MRTFB: variants seen among roughly 807,000 people sequenced by gnomAD.
MRTFB encodes myocardin related transcription factor B.
Under a neutral mutation model 104.2 loss-of-function variants are expected in MRTFB, and 29 were observed. The ratio of observed to expected loss-of-function variants is 0.28; its 90% confidence interval spans 0.21 to 0.38. The LOEUF is 0.38. MRTFB is among the 10% of genes least tolerant of loss of function. The probability of loss-of-function intolerance (pLI) is 1.00; values close to 1 mark genes in which losing one functional copy is unlikely to be tolerated. For synonymous variants in MRTFB, 535 were observed against 519.5 expected (o/e 1.03, Z -0.41); for missense variants, 1,270 against 1,341.6 (o/e 0.95, Z 0.83).
At chr16:14,245,886 AG>A (rs1348105488) in intron 11 of MRTFB, among the ~76,000 whole-genome samples, 89 of 152,318 alleles carry the variant, frequency 5.8e-4, no homozygotes, top group African/African-American at 2.1e-3. Flanking sequence ...GGCACCTACC[AG>A]TTCTGCTGGA....
the MRTFB span, among the ~76,000 whole-genome samples, chr16:14,032,852 T>C: frequency 2.0e-5 from 3 of 152,048 alleles, no homozygotes; most frequent in Non-Finnish European, 4.4e-5. Context: ...GACATGATCT[T>C]GCTCTGTCAC....
At chr16:14,101,054 A>G (rs2035670906) in intron 2 of MRTFB, among the ~76,000 whole-genome samples, 1 of 132,132 alleles carries the variant, frequency 7.6e-6, no homozygotes, top group Non-Finnish European at 1.7e-5. Context: ...TGTTTCATTG[A>G]TTTTTCTGCT....
chr16:14,233,115 G>A (rs181059461), intron 8 of MRTFB, among the ~76,000 whole-genome samples: 59 of 152,250 alleles, frequency 3.9e-4, no homozygotes, highest in Non-Finnish European at 6.3e-4. Flanking sequence ...ACCTAGTAAC[G>A]CCTTCTGTAG....
chr16:14,200,872 A>G (rs1305657612), intron 3 of MRTFB: 6 of 1,457,140 alleles, frequency 4.1e-6, no homozygotes, highest in Middle Eastern at 3.5e-4. Context: ...TGGTTACCTC[A>G]GGTGTAAGGT....
chr16:14,023,019 G>C, the MRTFB span, among the ~76,000 whole-genome samples: 2 of 151,974 alleles, frequency 1.3e-5, no homozygotes, highest in East Asian at 3.9e-4. Context: ...ATACCACATG[G>C]TGCTATCTCT....
At chr16:14,164,301 TGTGA>T (rs1456115540) in intron 3 of MRTFB, among the ~76,000 whole-genome samples, 1 of 152,216 alleles carries the variant, frequency 6.6e-6, no homozygotes, top group Non-Finnish European at 1.5e-5. Context: ...TACCTTCATG[TGTGA>T]GTGAGAACGT....
intron 8 of MRTFB, among the ~76,000 whole-genome samples, chr16:14,233,227 T>C (rs1242024519): frequency 6.6e-6 from 1 of 152,194 alleles, no homozygotes; most frequent in Admixed American, 6.5e-5. Flanking sequence ...GGAGAGATAA[T>C]GTTGTCGGTA....
chr16:14,035,918 G>A, the MRTFB span, among the ~76,000 whole-genome samples: 6 of 151,282 alleles, frequency 4.0e-5, no homozygotes, highest in South Asian at 2.1e-4. Flanking sequence ...CCACTGTGTC[G>A]TTCTTATGCC....
Position 14,227,091 on chromosome 16 carries a change from G to T in MRTFB, c.694-7055G>T, listed in dbSNP as rs145121324. On this transcript the variant is annotated intron_variant, in intron 8 of 16. Coordinates refer to ENST00000571589, the MANE Select transcript of MRTFB (RefSeq NM_001308142.2). ...TATTTGCAAATCATATATCTTATAA[G>T]GATTTGCTATGGTTTGGATGTTTGT... Among the ~76,000 whole-genome samples, 592 of 152,200 alleles carry T rather than the reference G, an allele frequency of 3.9e-3. 2 individuals carry two copies. Among genetic ancestry groups the T allele is most frequent in the African/African-American group, 0.014 (567 of 41,522 alleles).
chr16:13,996,943 C>T, the MRTFB span, among the ~76,000 whole-genome samples: 1 of 152,176 alleles, frequency 6.6e-6, no homozygotes, highest in African/African-American at 2.4e-5. Flanking sequence ...AGAGTTCGGC[C>T]CACAAATGAG....
chr16:14,244,269 A>G (rs13332052), intron 10 of MRTFB, among the ~76,000 whole-genome samples: 21,598 of 152,166 alleles, frequency 0.14, 3,641 homozygotes, highest in African/African-American at 0.41. Flanking sequence ...TGACTATAAC[A>G]TAATTTAGCC....
intron 15 of MRTFB, among the ~76,000 whole-genome samples, chr16:14,255,777 A>G (rs1047456082): frequency 2.0e-5 from 3 of 152,038 alleles, no homozygotes; most frequent in Admixed American, 6.6e-5. Flanking sequence ...TTGCATATCT[A>G]TAGTAACAAT....
the MRTFB span, among the ~76,000 whole-genome samples, chr16:13,997,550 T>G: frequency 6.6e-6 from 1 of 152,008 alleles, no homozygotes; most frequent in Non-Finnish European, 1.5e-5. Flanking sequence ...ATCTTAACAC[T>G]TTGGGAGGCT....
the MRTFB span, among the ~76,000 whole-genome samples, chr16:14,037,989 G>A: frequency 2.3e-4 from 34 of 151,054 alleles, no homozygotes; most frequent in Non-Finnish European, 8.8e-5. Flanking sequence ...CAAGTATGTT[G>A]GGTATGTTAT....
At chr16:14,058,446 G>A in the MRTFB span, among the ~76,000 whole-genome samples, 1 of 128,104 alleles carries the variant, frequency 7.8e-6, no homozygotes, top group Non-Finnish European at 1.8e-5. Context: ...GCCGGGCAAT[G>A]TACCCAAGTT....
At chr16:14,069,236 G>A (rs990504061), upstream of MRTFB, among the ~76,000 whole-genome samples, 3 of 152,134 alleles carry the variant, frequency 2.0e-5, no homozygotes, top group African/African-American at 7.2e-5. Context: ...CTCCCAAAGT[G>A]CTGGGATTAC....
intron 2 of MRTFB, among the ~76,000 whole-genome samples, chr16:14,113,580 G>C (rs1376679375): frequency 6.6e-6 from 1 of 152,120 alleles, no homozygotes; most frequent in Non-Finnish European, 1.5e-5. Context: ...GGAGAGAATG[G>C]GATGATTCCT....
rs1184109950 is a variant in MRTFB at position 14,198,545 on chromosome 16, G to A, written c.155-11698G>A. Among the ~76,000 whole-genome samples, 7 of 152,176 alleles carry A rather than the reference G, an allele frequency of 4.6e-5. No individual in the cohort carries two copies. In the East Asian group the frequency reaches 1.3e-3, roughly 29 times the overall value. On this transcript the variant is annotated intron_variant, in intron 3 of 16. Coordinates refer to ENST00000571589, the MANE Select transcript of MRTFB (RefSeq NM_001308142.2). The stretch of plus-strand genomic sequence containing the variant: ...CCTGATTTCTCTCCCCCTGGCTGTT[G>A]CCTTTACTAGTTGGAGCATTTCGGT...
chr16:14,247,681 T>A (rs2043083034), intron 12 of MRTFB, 174 bp downstream of exon 12: 2 of 622,178 alleles, frequency 3.2e-6, no homozygotes, highest in Admixed American at 3.1e-5. Context: ...TAGCACTGTT[T>A]TTATATAGTG....
Sources: gnomAD v4.1 joint callset for allele counts (sites outside exome capture counted in the v4.1 genomes callset) on GRCh38, gnomAD v4.1.1 for gene constraint, MANE v1.5 for transcripts, NCBI Gene and HGNC (gene_info 2026-07-23, HGNC 2026-07-21) for gene names.